Variants in NCALD observed in about 807,000 individuals in gnomAD.
The protein encoded by NCALD is neurocalcin delta.
In NCALD, 10 loss-of-function variants were observed where a neutral mutation model predicts 18.6. The observed-to-expected ratio is 0.54, with a 90% CI of 0.33 to 0.91. NCALD has a LOEUF of 0.91. NCALD is among the 40% of genes least tolerant of loss of function. NCALD has a pLI of 0.03. For synonymous variants in NCALD, 88 were observed against 87.4 expected (o/e 1.01, Z -0.04); for missense variants, 184 against 247.6 (o/e 0.74, Z 1.72).
At chr8:101,716,572 G>A (rs1401074644) in intron 2 of NCALD, among the ~76,000 whole-genome samples, 2 of 152,136 alleles carry the variant, frequency 1.3e-5, no homozygotes, top group Admixed American at 6.6e-5. Context: ...TATTCACCCA[G>A]ATGTTGATCC....
intron 4 of NCALD, among the ~76,000 whole-genome samples, chr8:101,843,256 T>C: frequency 6.6e-6 from 1 of 152,250 alleles, no homozygotes; most frequent in East Asian, 1.9e-4. Flanking sequence ...GTAGGAAGAG[T>C]ACACAATATC....
At chr8:101,744,678 C>T (rs1485010242) in intron 1 of NCALD, among the ~76,000 whole-genome samples, 4 of 152,150 alleles carry the variant, frequency 2.6e-5, no homozygotes, top group Non-Finnish European at 5.9e-5. Flanking sequence ...CTACTAAGCA[C>T]GTGTCCCTGC....
chr8:101,908,912 T>C (rs1412570460), intron 3 of NCALD, among the ~76,000 whole-genome samples: 1 of 152,174 alleles, frequency 6.6e-6, no homozygotes, highest in East Asian at 1.9e-4. Context: ...GAGTCACTTG[T>C]GCTAAGTGCC....
chr8:101,832,221 C>T (rs1157570744), intron 4 of NCALD, among the ~76,000 whole-genome samples: 1 of 152,124 alleles, frequency 6.6e-6, no homozygotes, highest in East Asian at 1.9e-4. Context: ...TCTGTCTCCA[C>T]CCGGGGAAAG....
In NCALD at chr8:102,111,412, ATG is replaced by A. The variant is rs57126471; in HGVS notation, c.-210+12823_-210+12824del. The stretch of plus-strand genomic sequence containing the variant: ...AAATTTAGATCATATGTCTAAAGAG[ATG>A]TGTGTGTGTGTGTGTGTGTGTGTGT... On this transcript the variant is annotated intron_variant, in intron 1 of 6. Coordinates refer to the NCALD transcript ENST00000311028. Among the ~76,000 whole-genome samples, 711 of 147,434 alleles carry A rather than the reference ATG, an allele frequency of 4.8e-3. 5 individuals are homozygous for A. The highest frequency in any genetic ancestry group is 0.011 in the African/African-American group (449 of 39,730).
chr8:101,961,815 C>T (rs1368915577), intron 2 of NCALD, among the ~76,000 whole-genome samples: 2 of 152,128 alleles, frequency 1.3e-5, no homozygotes, highest in Non-Finnish European at 2.9e-5. Flanking sequence ...TACCTCAACT[C>T]TCTCCCCTAC....
chr8:101,847,617 G>T lies in NCALD; in HGVS notation c.-20+39524C>A, dbSNP rs912879219. 3.3e-5 allele frequency among the ~76,000 whole-genome samples: 5 copies of T among 152,140 alleles called. No homozygotes were observed. In the South Asian group the frequency reaches 1.0e-3, roughly 31 times the overall value. On this transcript the variant is annotated intron_variant, in intron 4 of 6. Transcript: ENST00000311028. The stretch of plus-strand genomic sequence containing the variant: ...GGGGTCCATGTTATTTTTAGCCAAT[G>T]AAATTCTTAACTAAGACACCTACCA...
chr8:102,004,738 T>C (rs1821629175), intron 2 of NCALD, among the ~76,000 whole-genome samples: 1 of 151,986 alleles, frequency 6.6e-6, no homozygotes, highest in African/African-American at 2.4e-5. Flanking sequence ...TATCTACAAC[T>C]ATCTGATCTT....
At chr8:101,959,667 A>G (rs948538599) in intron 2 of NCALD, among the ~76,000 whole-genome samples, 2 of 152,158 alleles carry the variant, frequency 1.3e-5, no homozygotes, top group Non-Finnish European at 2.9e-5. Flanking sequence ...AAACATCCCC[A>G]TCATTCTTTG....
At chr8:101,977,746 G>T (rs946895640) in intron 2 of NCALD, among the ~76,000 whole-genome samples, 1 of 152,170 alleles carries the variant, frequency 6.6e-6, no homozygotes, top group Non-Finnish European at 1.5e-5. Context: ...AGCACAGACA[G>T]GTATCTGCCC....
At position 101,935,725 on chromosome 8, in the gene NCALD, T is replaced by C. The variant is rs112759062; in HGVS notation, c.-156-19867A>G. Among the ~76,000 whole-genome samples, 798 of 151,360 alleles carry C rather than the reference T, an allele frequency of 5.3e-3. 7 individuals carry two copies. Among genetic ancestry groups the C allele is most frequent in the African/African-American group, 0.018 (749 of 41,276 alleles). On this transcript the variant is annotated intron_variant, in intron 2 of 6. Transcript: ENST00000311028. ...AGTGGATATGATGAGTCTGGACAAC[T>C]CTTTTGCCATTAAGGGGAATAAGGA...
At chr8:102,059,910 C>G (rs548198650) in intron 1 of NCALD, among the ~76,000 whole-genome samples, 8 of 152,282 alleles carry the variant, frequency 5.3e-5, no homozygotes, top group Non-Finnish European at 1.2e-4. Flanking sequence ...AGGGGGCCTA[C>G]CCTCAGAGTG....
chr8:102,057,096 C>T (rs887805142), intron 1 of NCALD, among the ~76,000 whole-genome samples: 1 of 152,176 alleles, frequency 6.6e-6, no homozygotes, highest in African/African-American at 2.4e-5. Context: ...CTTTTGTAAT[C>T]TGCCCCTGCT....
chr8:101,707,907 A>AAATAAAT (rs1815608321), intron 2 of NCALD, among the ~76,000 whole-genome samples: 1 of 144,176 alleles, frequency 6.9e-6, no homozygotes, highest in African/African-American at 2.8e-5. Flanking sequence ...AATAAATAAT[A>AAATAAAT]AATAAATAAA....
At chr8:101,702,749 A>G (rs1379330213) in intron 2 of NCALD, among the ~76,000 whole-genome samples, 1 of 152,366 alleles carries the variant, frequency 6.6e-6, no homozygotes, top group South Asian at 2.1e-4. Context: ...AAGTGGCCTC[A>G]TGGATATTGG....
At chr8:101,891,377 T>C (rs962569509) in intron 3 of NCALD, among the ~76,000 whole-genome samples, 3 of 152,202 alleles carry the variant, frequency 2.0e-5, no homozygotes, top group Non-Finnish European at 2.9e-5. Context: ...GTATGTGACA[T>C]TTGGATATTT....
chr8:102,074,968 A>T (rs187678178), intron 1 of NCALD, among the ~76,000 whole-genome samples: 20 of 152,272 alleles, frequency 1.3e-4, no homozygotes, highest in Admixed American at 1.2e-3. Flanking sequence ...CCATAAGGTG[A>T]TAACGTGGCT....
intron 2 of NCALD, among the ~76,000 whole-genome samples, chr8:101,929,284 G>A: frequency 2.0e-5 from 1 of 49,118 alleles, no homozygotes. Context: ...AGGGAGGGAG[G>A]GAGGGAGGGA....
chr8:101,921,368 CCT>C (rs1818159537), intron 2 of NCALD, among the ~76,000 whole-genome samples: 1 of 151,378 alleles, frequency 6.6e-6, no homozygotes, highest in Non-Finnish European at 1.5e-5. Context: ...TTTCTAAAAT[CCT>C]TTTTTATTAA....
Sources: gnomAD v4.1 joint callset for allele counts (sites outside exome capture counted in the v4.1 genomes callset) on GRCh38, gnomAD v4.1.1 for gene constraint, MANE v1.5 for transcripts, NCBI Gene and HGNC (gene_info 2026-07-23, HGNC 2026-07-21) for gene names.